Variants in PLAC1 observed in about 807,000 individuals in gnomAD.
PLAC1 encodes the protein placenta associated 1.
For missense variants in PLAC1, 136 were observed against 163.2 expected (o/e 0.83, Z 0.91); for synonymous variants, 68 against 62.1 (o/e 1.09, Z -0.44).
At chrX:134,741,853 G>A (rs755003992) in intron 1 of PLAC1, among the ~76,000 whole-genome samples, 9 of 111,138 alleles carry the variant, frequency 8.1e-5, no homozygotes, top group South Asian at 3.9e-4. Context: ...GATTTTGAAC[G>A]TGCACTCTCC....
At chrX:134,739,051 T>TATAA (rs1207510779) in intron 1 of PLAC1, among the ~76,000 whole-genome samples, 1 of 112,340 alleles carries the variant, frequency 8.9e-6, no homozygotes, top group Non-Finnish European at 1.9e-5. Flanking sequence ...TATCCTGAAG[T>TATAA]ATAACTCCTT....
intron 1 of PLAC1, among the ~76,000 whole-genome samples, chrX:134,625,127 T>C (rs1348987573): frequency 8.9e-6 from 1 of 111,808 alleles, no homozygotes. Context: ...CTCCCCTTCA[T>C]TTTATATGAT....
In PLAC1 at chrX:134,743,991, G is replaced by A. The variant is rs765420785; in HGVS notation, n.90-10472C>T. 5.3e-5 allele frequency among the ~76,000 whole-genome samples: 6 copies of A among 112,476 alleles called. No individual in the cohort carries two copies. In the South Asian group the frequency reaches 2.2e-3, roughly 41 times the overall value. On this transcript the variant is annotated intron_variant and non_coding_transcript_variant, in intron 1 of 2. Transcript: ENST00000466797. The stretch of plus-strand genomic sequence containing the variant: ...CGTAAGTTCTTTAGGCCATCAGAAA[G>A]ATACATTTTGGGCCGGGCGCGGTGG...
At chrX:134,726,574 C>G (rs2078674768) in intron 2 of PLAC1, among the ~76,000 whole-genome samples, 1 of 111,393 alleles carries the variant, frequency 9.0e-6, no homozygotes, top group South Asian at 3.8e-4. Context: ...CCTGTAATCC[C>G]AGCACTTTGG....
chrX:134,633,550 T>A (rs2078271264), intron 1 of PLAC1, among the ~76,000 whole-genome samples: 1 of 112,216 alleles, frequency 8.9e-6, no homozygotes, highest in African/African-American at 3.2e-5. Flanking sequence ...TTTGTACAGC[T>A]GCTTTTTCGT....
chrX:134,586,721 A>AG (rs763846112), intron 2 of PLAC1, among the ~76,000 whole-genome samples: 2 of 87,295 alleles, frequency 2.3e-5, no homozygotes, highest in South Asian at 1.2e-3. Flanking sequence ...CCCAGGCTGG[A>AG]GTGCAATGGC....
At chrX:134,578,630 G>C (rs1416760634) in intron 2 of PLAC1, among the ~76,000 whole-genome samples, 3 of 100,912 alleles carry the variant, frequency 3.0e-5, no homozygotes, top group African/African-American at 1.1e-4. Context: ...CGATCCTCCT[G>C]CCTCAGCCTC....
At chrX:134,641,233 A>G (rs771679330) in intron 1 of PLAC1, among the ~76,000 whole-genome samples, 14 of 111,699 alleles carry the variant, frequency 1.3e-4, no homozygotes, top group African/African-American at 3.9e-4. Context: ...AGCCTGGGCA[A>G]CATAGTGAGA....
At position 134,636,457 on chromosome X, in the gene PLAC1, A is replaced by C. The variant is rs749656756; in HGVS notation, c.-131+21871T>G. 3.4e-4 allele frequency among the ~76,000 whole-genome samples: 38 copies of C among 112,213 alleles called. 1 individual carries two copies. The highest frequency in any genetic ancestry group is 3.2e-3 in the Admixed American group (34 of 10,560). On this transcript the variant is annotated intron_variant, in intron 1 of 2. Transcript: ENST00000359237. ...TGATAAGGTTCTATCTCACAGGATA[A>C]AGAATGGGTCTCAAATCTGCTGAAG...
At chrX:134,655,364 C>CAT (rs755689166) in intron 1 of PLAC1, among the ~76,000 whole-genome samples, 5,310 of 101,178 alleles carry the variant, frequency 0.052, 156 homozygotes, top group Non-Finnish European at 0.082. Context: ...CACACACACA[C>CAT]ATATATTTGA....
At chrX:134,640,874 C>T (rs200885032) in intron 1 of PLAC1, among the ~76,000 whole-genome samples, 5 of 111,999 alleles carry the variant, frequency 4.5e-5, no homozygotes, top group East Asian at 2.8e-4. Flanking sequence ...AGGTTTGGGA[C>T]GCTGAGGTGG....
At chrX:134,656,848 A>T (rs993477873) in intron 1 of PLAC1, among the ~76,000 whole-genome samples, 2 of 111,763 alleles carry the variant, frequency 1.8e-5, no homozygotes, top group Admixed American at 9.4e-5. Flanking sequence ...CAGCTTCCCG[A>T]AGTGTTGGGA....
intron 1 of PLAC1, chrX:134,651,054 C>A: frequency 3.8e-6 from 1 of 263,977 alleles, no homozygotes; most frequent in Non-Finnish European, 7.9e-6. Flanking sequence ...CCAGAAAATC[C>A]AAGTCTGGCT....
At chrX:134,585,790 C>A (rs2077997287) in intron 2 of PLAC1, among the ~76,000 whole-genome samples, 1 of 110,700 alleles carries the variant, frequency 9.0e-6, no homozygotes, top group Non-Finnish European at 1.9e-5. Context: ...GTTGAGCTGC[C>A]CCTGGGTTGA....
At chrX:134,574,958 C>T (rs902321699) in intron 2 of PLAC1, among the ~76,000 whole-genome samples, 17 of 110,832 alleles carry the variant, frequency 1.5e-4, no homozygotes, top group African/African-American at 5.6e-4. Flanking sequence ...GGCTGGATAT[C>T]TGTTCCTCCT....
intron 2 of PLAC1, among the ~76,000 whole-genome samples, chrX:134,705,246 T>C (rs1185999678): frequency 6.6e-5 from 7 of 105,313 alleles, no homozygotes; most frequent in African/African-American, 2.4e-4. Flanking sequence ...TGGTGAAACC[T>C]GTCTCTACTA....
At chrX:134,719,094 TG>T (rs2078650870) in intron 2 of PLAC1, among the ~76,000 whole-genome samples, 1 of 111,914 alleles carries the variant, frequency 8.9e-6, no homozygotes, top group African/African-American at 3.3e-5. Flanking sequence ...GAGGGGAGAA[TG>T]ACGGCTTAGT....
At chrX:134,588,630 C>G (rs1362373409) in intron 2 of PLAC1, among the ~76,000 whole-genome samples, 1 of 110,153 alleles carries the variant, frequency 9.1e-6, no homozygotes, top group Non-Finnish European at 1.9e-5. Flanking sequence ...GAGAGAGGAG[C>G]CTGGAGAATA....
intron 2 of PLAC1, among the ~76,000 whole-genome samples, chrX:134,577,641 T>A (rs2077946703): frequency 9.2e-6 from 1 of 109,074 alleles, no homozygotes; most frequent in South Asian, 4.0e-4. Flanking sequence ...TGAGCTGAGG[T>A]CGCGCCACTG....
Sources: gnomAD v4.1 joint callset for allele counts (sites outside exome capture counted in the v4.1 genomes callset) on GRCh38, gnomAD v4.1.1 for gene constraint, MANE v1.5 for transcripts, NCBI Gene and HGNC (gene_info 2026-07-23, HGNC 2026-07-21) for gene names.